Variants in GPRC6A observed in about 807,000 individuals in gnomAD.
The protein encoded by GPRC6A is G protein-coupled receptor class C group 6 member A.
Under a neutral mutation model 47.0 loss-of-function variants are expected in GPRC6A, and 54 were observed. That is an observed-to-expected ratio of 1.15 (90% CI 0.92 to 1.44). The LOEUF (loss-of-function observed/expected upper bound fraction) is 1.44, where lower values mean the gene tolerates loss of function less well. Among genes scored for constraint, GPRC6A ranks in the 40% most tolerant of loss-of-function variants. GPRC6A has a pLI of 0.00. For synonymous variants in GPRC6A, 347 were observed against 377.1 expected, an observed-to-expected ratio of 0.92 and a Z score of 0.93; for missense variants, 1,112 against 1,105.5, an observed-to-expected ratio of 1.01 and a Z score of -0.08.
chr6:116,828,850 G>A lies in GPRC6A; in HGVS notation c.164C>T (p.Pro55Leu). 1 of 1,612,640 alleles carries A rather than the reference G, an allele frequency of 6.2e-7. No homozygotes were observed. Among genetic ancestry groups the A allele is most frequent in the Non-Finnish European group, 8.5e-7 (1 of 1,179,162 alleles). ...ACACTCCTGGATTTGTGGTCGTCTG[G>A]GAGAGTCTTCTGAGGACAACATTTT... The part of the protein sequence containing the change: ...HEKMLSSEDS[P>L]RRPQIQECVG... Residue 55 changes from proline (P) to leucine (L), a missense_variant, in exon 1 of 6, where the codon CCC (proline) becomes CTC (leucine). Coordinates refer to ENST00000310357, the MANE Select transcript of GPRC6A (RefSeq NM_148963.4).
intron 1 of GPRC6A, among the ~76,000 whole-genome samples, chr6:116,827,379 G>T (rs534682433): frequency 1.3e-5 from 2 of 151,984 alleles, no homozygotes; most frequent in Admixed American, 6.6e-5. Context: ...AAAGGTAAAC[G>T]AATAGGTTGT....
intron 3 of GPRC6A, among the ~76,000 whole-genome samples, chr6:116,805,724 G>A (rs1772814082): frequency 6.6e-6 from 1 of 151,922 alleles, no homozygotes; most frequent in Non-Finnish European, 1.5e-5. Flanking sequence ...CACAATTGCT[G>A]GTTTCTTTAA....
At position 116,819,299 on chromosome 6, in the gene GPRC6A, C is replaced by T. The variant is rs1273771203; in HGVS notation, c.194+9521G>A. ...CCACTGTCAACATTAGACAGATCAA[C>T]GAGACAGAAAGTCAACAAGGATACC... On this transcript the variant is annotated intron_variant, in intron 1 of 5. Transcript: ENST00000310357. Among the ~76,000 whole-genome samples, 44 of 150,184 alleles carry T rather than the reference C, an allele frequency of 2.9e-4. No individual in the cohort carries two copies. The South Asian group carries it at 5.2e-3, about 18-fold the overall frequency.
chr6:116,808,332 T>C (rs1348519657), intron 2 of GPRC6A, among the ~76,000 whole-genome samples: 1 of 152,156 alleles, frequency 6.6e-6, no homozygotes, highest in Non-Finnish European at 1.5e-5. Flanking sequence ...AGAAATTGCA[T>C]TTTTGCATTA....
In GPRC6A at chr6:116,807,171, G is replaced by A. The variant is rs373573503; in HGVS notation, c.534C>T (p.Asp178=). 6.2e-7 allele frequency: 1 copy of A among 1,613,082 alleles called. No homozygotes were observed. Residue 178 remains aspartate (D), a synonymous_variant, in exon 3 of 6, where the codon GAC becomes GAT. Transcript: ENST00000310357. ...GTAAAAATGAAGGAAAGCGAATTTT[G>A]TCACTCAGGATTTCTGCAGTTGATT... The part of the protein sequence containing the change: ...GYESTAEILS[D]KIRFPSFLRT...
chr6:116,807,029 T>G lies in GPRC6A; in HGVS notation c.676A>C (p.Asn226His). 2 of 1,613,764 alleles carry G rather than the reference T, an allele frequency of 1.2e-6. No individual in the cohort carries two copies. The highest frequency in any genetic ancestry group is 4.5e-5 in the East Asian group (2 of 44,866). Residue 226 changes from asparagine (N) to histidine (H), a missense_variant, in exon 3 of 6, where the codon AAC (asparagine) becomes CAC (histidine). By Grantham distance (68) the Asn-to-His change is moderately conservative (BLOSUM62 1). Coordinates refer to ENST00000310357, the MANE Select transcript of GPRC6A (RefSeq NM_148963.4). The stretch of plus-strand genomic sequence containing the variant: ...GCTTCAGCCTGAATTATAAAAGTGT[T>G]AAGAGCCAATCGTCCATAGTCATCA... ...TDDDYGRLAL[N>H]TFIIQAEANN...
At chr6:116,812,794 A>G (rs1432896884) in intron 1 of GPRC6A, among the ~76,000 whole-genome samples, 5 of 152,344 alleles carry the variant, frequency 3.3e-5, no homozygotes, top group South Asian at 2.1e-4. Context: ...ACGGTATTCA[A>G]TTAGGAAATG....
intron 1 of GPRC6A, among the ~76,000 whole-genome samples, chr6:116,816,184 T>A (rs934021409): frequency 6.6e-6 from 1 of 152,208 alleles, no homozygotes; most frequent in African/African-American, 2.4e-5. Context: ...ATTCTAGCAT[T>A]AACTCAAAAG....
chr6:116,823,521 C>T (rs894615897), intron 1 of GPRC6A, among the ~76,000 whole-genome samples: 6 of 152,030 alleles, frequency 3.9e-5, no homozygotes, highest in Non-Finnish European at 8.8e-5. Context: ...CCAAAGTTTC[C>T]TTCATCTTCC....
intron 2 of GPRC6A, among the ~76,000 whole-genome samples, chr6:116,808,953 G>A (rs996714152): frequency 1.3e-5 from 2 of 152,012 alleles, no homozygotes; most frequent in African/African-American, 2.4e-5. Context: ...CATGCAAACC[G>A]TCCCAGGGCT....
intron 1 of GPRC6A, among the ~76,000 whole-genome samples, chr6:116,811,435 T>C (rs1773021330): frequency 1.3e-5 from 2 of 151,968 alleles, no homozygotes; most frequent in Non-Finnish European, 1.5e-5. Flanking sequence ...TATACTATCA[T>C]ACTGGTCTTT....
At position 116,792,629 on chromosome 6, in the gene GPRC6A, A is replaced by C. The variant is rs1772346698; in HGVS notation, c.2294T>G (p.Ile765Ser). 1.2e-6 allele frequency: 2 copies of C among 1,613,482 alleles called. No homozygotes were observed. The highest frequency in any genetic ancestry group is 1.7e-6 in the Non-Finnish European group (2 of 1,179,590). Residue 765 changes from isoleucine (I) to serine (S), a missense_variant, in exon 6 of 6, where the codon ATT becomes AGT. Physicochemically the swap from Ile to Ser is moderately radical, Grantham distance 142 (BLOSUM62 -2). Coordinates refer to ENST00000310357, the MANE Select transcript of GPRC6A (RefSeq NM_148963.4). ...MLGYIAILAFICFIFAFKGKY... is the reference protein window; with the variant it reads ...MLGYIAILAFSCFIFAFKGKY... ...GCCTTTGAAAGCAAATATGAAGCAA[A>C]TGAAGGCCAGGATGGCAATGTAGCC...
At chr6:116,820,956 A>G (rs1274722594) in intron 1 of GPRC6A, among the ~76,000 whole-genome samples, 7 of 152,102 alleles carry the variant, frequency 4.6e-5, no homozygotes, top group Non-Finnish European at 8.8e-5. Context: ...ATATCTAGAA[A>G]ACCCCATTGT....
At position 116,803,597 on chromosome 6, in the gene GPRC6A, G is replaced by A. The variant is rs571147573; in HGVS notation, c.1335+2773C>T. Among the ~76,000 whole-genome samples the A allele has an allele frequency of 2.6e-5, 4 of 152,212 alleles. 1 individual carries two copies. The East Asian group carries it at 7.7e-4, about 29-fold the overall frequency. On this transcript the variant is annotated intron_variant, in intron 3 of 5. Transcript: ENST00000310357. ...TGCACATCAAAGTTTGAGATGCCCT[G>A]ATGGACAAGGCTCTAATAATATGTC... is the stretch of plus-strand genomic sequence containing the variant.
At chr6:116,798,899 A>G (rs966819285) in intron 4 of GPRC6A, among the ~76,000 whole-genome samples, 1 of 152,040 alleles carries the variant, frequency 6.6e-6, no homozygotes, top group Admixed American at 6.6e-5. Context: ...AAAAAAAAAA[A>G]AAGAAACAGA....
chr6:116,823,835 C>G (rs1473135136), intron 1 of GPRC6A, among the ~76,000 whole-genome samples: 2 of 152,008 alleles, frequency 1.3e-5, no homozygotes, highest in African/African-American at 4.8e-5. Flanking sequence ...GAGCTGGCAC[C>G]TTACATGGCC....
intron 1 of GPRC6A, among the ~76,000 whole-genome samples, chr6:116,816,554 C>T (rs1183602595): frequency 3.3e-5 from 5 of 151,968 alleles, no homozygotes; most frequent in Admixed American, 2.0e-4. Context: ...CGAATAGGAA[C>T]AGCTCCGGTC....
At chr6:116,795,976 C>A in intron 4 of GPRC6A, 141 bp from the exon 5 acceptor site, 1 of 540,912 alleles carries the variant, frequency 1.8e-6, no homozygotes, top group Non-Finnish European at 3.1e-6. Context: ...ATCTTTTTGC[C>A]ATCGTGGGAA....
At chr6:116,793,965 T>C (rs1772398491) in intron 5 of GPRC6A, among the ~76,000 whole-genome samples, 1 of 152,190 alleles carries the variant, frequency 6.6e-6, no homozygotes, top group Non-Finnish European at 1.5e-5. Flanking sequence ...TTTCTCCAAG[T>C]AGTGGGTAAA....
Sources: allele counts gnomAD v4.1 joint callset (sites outside exome capture counted in the v4.1 genomes callset), GRCh38; gene constraint gnomAD v4.1.1; transcripts MANE v1.5; gene names NCBI Gene and HGNC (gene_info 2026-07-23, HGNC 2026-07-21).